PPP1R21: variants seen among roughly 807,000 people sequenced by gnomAD.
PPP1R21 encodes the protein KLRAQ motif containing 1.
In PPP1R21, 85 loss-of-function variants were observed where a neutral mutation model predicts 112.8. The observed-to-expected ratio is 0.75, with a 90% confidence interval of 0.63 to 0.90. The LOEUF is 0.90. PPP1R21 is among the 40% of genes least tolerant of loss of function. The pLI is 0.00. For synonymous variants in PPP1R21, 381 were observed against 322.3 expected (o/e 1.18, Z -1.95); for missense variants, 1,199 against 901.5 (o/e 1.33, Z -4.23).
chr2:48,507,843 A>G (rs1013602586), intron 19 of PPP1R21, among the ~76,000 whole-genome samples: 2 of 131,094 alleles, frequency 1.5e-5, no homozygotes, highest in Admixed American at 9.6e-5. Context: ...TTGGCTCAGT[A>G]CAACCTCCGC....
chr2:48,440,918 C>A lies in PPP1R21; in HGVS notation c.-36C>A. Reference sequence around the variant, plus strand: ...TGGGGGCGGGAGACAGGCTGAGCCGCCTGGGCGGCCTGGCCTGTACGGGGC... The same window carrying A: ...TGGGGGCGGGAGACAGGCTGAGCCGACTGGGCGGCCTGGCCTGTACGGGGC... On this transcript the variant is annotated 5_prime_UTR_variant, in exon 1 of 22. Transcript: ENST00000294952. The A allele has an allele frequency of 6.8e-7, 1 of 1,463,060 alleles. No homozygotes were observed. The highest frequency in any genetic ancestry group is 9.4e-7 in the Non-Finnish European group (1 of 1,058,552). The allele number at this position is 1,463,060 out of a possible 1,614,324, so 90.6% of individuals were successfully genotyped here. A position where few individuals can be genotyped will look rare whatever the true frequency, so the allele number is the denominator to read the frequency against.
intron 15 of PPP1R21, among the ~76,000 whole-genome samples, chr2:48,494,756 C>T (rs1334058455): frequency 1.3e-5 from 2 of 152,074 alleles, no homozygotes; most frequent in South Asian, 2.1e-4. Flanking sequence ...CTCACTCTGT[C>T]GCCCAGGCTG....
At chr2:48,445,285 C>T (rs549612295) in intron 1 of PPP1R21, among the ~76,000 whole-genome samples, 1 of 152,038 alleles carries the variant, frequency 6.6e-6, no homozygotes, top group African/African-American at 2.4e-5. Flanking sequence ...GCAGGGTAAC[C>T]GCTAGCCATG....
intron 13 of PPP1R21, among the ~76,000 whole-genome samples, chr2:48,485,949 A>G (rs1669271386): frequency 6.8e-6 from 1 of 146,582 alleles, no homozygotes; most frequent in Non-Finnish European, 1.5e-5. Flanking sequence ...ACTATATATA[A>G]TTGTATTATA....
chr2:48,446,545 C>A (rs920425432), intron 1 of PPP1R21, among the ~76,000 whole-genome samples: 6 of 152,078 alleles, frequency 3.9e-5, no homozygotes, highest in African/African-American at 1.4e-4. Flanking sequence ...TAATGTATTA[C>A]ATTTAAACAC....
intron 14 of PPP1R21, among the ~76,000 whole-genome samples, chr2:48,489,120 A>C (rs571133115): frequency 1.3e-5 from 2 of 152,248 alleles, no homozygotes; most frequent in Non-Finnish European, 2.9e-5. Context: ...TTGCCAAAGT[A>C]GAATACTCTG....
intron 1 of PPP1R21, among the ~76,000 whole-genome samples, chr2:48,447,702 A>G (rs545701972): frequency 6.6e-6 from 1 of 152,202 alleles, no homozygotes; most frequent in Non-Finnish European, 1.5e-5. Flanking sequence ...TAATCCCAGC[A>G]CTTTGGGAGG....
At chr2:48,505,189 A>G (rs1011427653) in intron 17 of PPP1R21, among the ~76,000 whole-genome samples, 1 of 152,204 alleles carries the variant, frequency 6.6e-6, no homozygotes, top group African/African-American at 2.4e-5. Context: ...TTTAATTATT[A>G]TGGTCACCGT....
intron 14 of PPP1R21, among the ~76,000 whole-genome samples, chr2:48,487,766 A>G (rs573170707): frequency 6.6e-6 from 1 of 152,044 alleles, no homozygotes; most frequent in African/African-American, 2.4e-5. Flanking sequence ...ATCTCAAAAA[A>G]AAAAAAAAAA....
chr2:48,463,906 G>C (rs1464757576), intron 7 of PPP1R21, among the ~76,000 whole-genome samples: 1 of 152,048 alleles, frequency 6.6e-6, no homozygotes, highest in Non-Finnish European at 1.5e-5. Flanking sequence ...CCTATCCATT[G>C]GGTAGTGGAG....
intron 11 of PPP1R21, among the ~76,000 whole-genome samples, chr2:48,473,102 A>T (rs893992517): frequency 2.6e-5 from 4 of 151,128 alleles, no homozygotes; most frequent in South Asian, 2.1e-4. Context: ...TTTTATTATT[A>T]AAAAAATTAA....
chr2:48,494,818 A>G (rs1002508507), intron 15 of PPP1R21, among the ~76,000 whole-genome samples: 4 of 152,102 alleles, frequency 2.6e-5, no homozygotes, highest in African/African-American at 4.8e-5. Context: ...TCGGGGTTCA[A>G]AGGAGCCTCC....
chr2:48,507,939 T>C (rs1670463619), intron 19 of PPP1R21, among the ~76,000 whole-genome samples: 1 of 151,392 alleles, frequency 6.6e-6, no homozygotes, highest in Admixed American at 6.6e-5. Flanking sequence ...CTAATTTTTG[T>C]ATTTTTGTAG....
rs1339734435 is a variant in PPP1R21, at chr2:48,505,792, A to G, written c.1968+196A>G. Among the ~76,000 whole-genome samples, 4 of 152,204 alleles carry G rather than the reference A, an allele frequency of 2.6e-5. No individual in the cohort carries two copies. In the East Asian group the frequency reaches 7.7e-4, roughly 29 times the overall value. On this transcript the variant is annotated intron_variant, in intron 18 of 21. Transcript: ENST00000294952. ...TTTCTCTGGTTCTGTTTTGATGGTC[A>G]CCAACAAATTATAGCCTGTTTTTGT...
chr2:48,460,106 G>C lies in PPP1R21; in HGVS notation c.552G>C (p.Gln184His). 2 of 1,614,104 alleles carry C rather than the reference G, an allele frequency of 1.2e-6. No individual in the cohort carries two copies. Among genetic ancestry groups the C allele is most frequent in the Non-Finnish European group, 1.7e-6 (2 of 1,180,014 alleles). Residue 184 changes from glutamine (Q) to histidine (H), a missense_variant, in exon 6 of 22, where the codon CAG becomes CAC. By Grantham distance (24) the Gln-to-His change is conservative. Coordinates refer to ENST00000294952, the MANE Select transcript of PPP1R21 (RefSeq NM_001135629.3). ...NDKAKLEVKS[Q>H]TLEKEAKECR... Reference sequence around the variant, plus strand: ...CTTCTGAAATTCAGGTGAAATCTCAGACTCTAGAAAAGGAAGCCAAGGAAT... The same window carrying C: ...CTTCTGAAATTCAGGTGAAATCTCACACTCTAGAAAAGGAAGCCAAGGAAT...
chr2:48,465,536 A>C lies in PPP1R21; in HGVS notation c.791A>C (p.Gln264Pro), dbSNP rs147614386. The stretch of plus-strand genomic sequence containing the variant: ...GCTGGGCAGGCCCTGGCTTTTGTTC[A>C]GGATCTTGTGACGGCTCTTCTAAAC... Reference protein sequence around the residue: ...DIAGQALAFVQDLVTALLNFH... With the variant: ...DIAGQALAFVPDLVTALLNFH... The change falls in exon 9 of 22, where the codon CAG (glutamine) becomes CCG (proline). Residue 264 changes from glutamine (Q) to proline (P), a missense_variant. Coordinates refer to ENST00000294952, the MANE Select transcript of PPP1R21 (RefSeq NM_001135629.3). 108 of 1,613,720 alleles carry C rather than the reference A, an allele frequency of 6.7e-5. No individual in the cohort carries two copies. The highest frequency in any genetic ancestry group is 8.9e-5 in the Non-Finnish European group (105 of 1,179,896).
chr2:48,481,597 G>C (rs1164159258), intron 13 of PPP1R21, among the ~76,000 whole-genome samples: 1 of 152,112 alleles, frequency 6.6e-6, no homozygotes, highest in African/African-American at 2.4e-5. Flanking sequence ...TCCTCTGCTG[G>C]CTGGGTGCAA....
In PPP1R21 at chr2:48,454,656, C is replaced by T. The variant is rs1374830419; in HGVS notation, c.188C>T (p.Thr63Ile). ...CTACAACAGGAAATGGACAGTTTGA[C>T]ATTTCGAAATCTGCAGCTTGCCAAG... ...RKLQQEMDSL[T>I]FRNLQLAKRV... Residue 63 changes from threonine (T) to isoleucine (I), a missense_variant, in exon 3 of 22, where the codon ACA (threonine) becomes ATA (isoleucine). By Grantham distance (89) the Thr-to-Ile change is moderately conservative. Coordinates refer to ENST00000294952, the MANE Select transcript of PPP1R21 (RefSeq NM_001135629.3). The T allele has an allele frequency of 1.9e-6, 3 of 1,614,048 alleles. No homozygotes were observed. The highest frequency in any genetic ancestry group is 3.3e-5 in the Admixed American group (2 of 60,022).
In PPP1R21 at chr2:48,511,387, G is replaced by A; in HGVS notation, c.2232G>A (p.Met744Ile). 6.2e-7 allele frequency: 1 copy of A among 1,614,110 alleles called. No individual in the cohort carries two copies. Among genetic ancestry groups the A allele is most frequent in the Non-Finnish European group, 8.5e-7 (1 of 1,180,000 alleles). ...GGAGTTACGAGGATCAGTTAAGTAT[G>A]ATGAGTGACCACCTGTGCAGCATGA... is the stretch of plus-strand genomic sequence containing the variant. Reference protein sequence around the residue: ...TKRSYEDQLSMMSDHLCSMNE... With the variant: ...TKRSYEDQLSIMSDHLCSMNE... Residue 744 changes from methionine to isoleucine, a missense_variant, in exon 21 of 22, where the codon ATG becomes ATA. Transcript: ENST00000294952.
Sources: allele counts gnomAD v4.1 joint callset (sites outside exome capture counted in the v4.1 genomes callset), GRCh38; gene constraint gnomAD v4.1.1; transcripts MANE v1.5; gene names NCBI Gene and HGNC (gene_info 2026-07-23, HGNC 2026-07-21).